The following FKTN variants were observed in gnomAD, a reference collection of about 807,000 sequenced individuals.
The protein encoded by FKTN is fukutin.
FKTN carries 47 observed loss-of-function variants against 58.6 expected under a neutral mutation model. The ratio of observed to expected loss-of-function variants is 0.80; its 90% CI spans 0.63 to 1.02. FKTN has a LOEUF of 1.02. FKTN is among the 50% of genes least tolerant of loss of function. FKTN has a pLI of 0.00. For synonymous variants in FKTN, 178 were observed against 191.9 expected (o/e 0.93, Z 0.60); for missense variants, 516 against 537.3 (o/e 0.96, Z 0.39).
chr9:105,565,362 TAA>T (rs574211667), intron 1 of FKTN, among the ~76,000 whole-genome samples: 2 of 152,078 alleles, frequency 1.3e-5, no homozygotes, highest in Non-Finnish European at 2.9e-5. Flanking sequence ...GCAAATTGGA[TAA>T]AGAGTCAAGA....
intron 1 of FKTN, among the ~76,000 whole-genome samples, chr9:105,568,937 C>T (rs1840217579): frequency 6.6e-6 from 1 of 152,192 alleles, no homozygotes; most frequent in African/African-American, 2.4e-5. Flanking sequence ...GGCACATATA[C>T]ACCATGAAAT....
At chr9:105,567,467 A>T in intron 1 of FKTN, among the ~76,000 whole-genome samples, 1 of 152,246 alleles carries the variant, frequency 6.6e-6, no homozygotes. Context: ...ATACAAAATC[A>T]ATGTGCAAAA....
Position 105,636,676 on chromosome 9 carries a change from A to G in FKTN, c.*1412A>G, listed in dbSNP as rs1409511498. 3 of 1,268,438 alleles carry G rather than the reference A, an allele frequency of 2.4e-6. No individual in the cohort carries two copies. The highest frequency in any genetic ancestry group is 1.3e-5 in the South Asian group (1 of 74,966). The allele number at this position is 1,268,438 out of a possible 1,614,324, so 78.6% of individuals were successfully genotyped here. The stretch of plus-strand genomic sequence containing the variant: ...TGCTATTTTTCTCTTTGTCTAGGAA[A>G]GGAAGCTGAATCTTATATCTTATCT... On this transcript the variant is annotated 3_prime_UTR_variant, in exon 11 of 11. Transcript: ENST00000357998.
At chr9:105,592,434 C>T (rs1423430278) in intron 3 of FKTN, among the ~76,000 whole-genome samples, 3 of 151,948 alleles carry the variant, frequency 2.0e-5, no homozygotes, top group Admixed American at 1.3e-4. Flanking sequence ...GTCAGGAGTT[C>T]GAGATCAGCC....
In FKTN at chr9:105,636,098, T is replaced by C. The variant is rs978706482; in HGVS notation, c.*834T>C. 1.5e-5 allele frequency: 15 copies of C among 980,740 alleles called. No individual in the cohort carries two copies. Among genetic ancestry groups the C allele is most frequent in the Non-Finnish European group, 1.8e-5 (15 of 825,660 alleles). 60.8% of individuals were successfully genotyped at this position (980,740 alleles called of 1,614,324 possible). On this transcript the variant is annotated 3_prime_UTR_variant, in exon 11 of 11. Transcript: ENST00000357998. ...ATGATTTCACAAAACTCATTTTTAT[T>C]TTATTCTCAGACAGTCTGTTAGGTA...
chr9:105,568,546 C>T (rs1564198481), intron 1 of FKTN, among the ~76,000 whole-genome samples: 1 of 152,218 alleles, frequency 6.6e-6, no homozygotes, highest in Admixed American at 6.5e-5. Context: ...AAATGCTCAT[C>T]ATCACTGGCC....
intron 1 of FKTN, among the ~76,000 whole-genome samples, chr9:105,566,176 A>G (rs985405362): frequency 2.4e-4 from 37 of 152,366 alleles, no homozygotes; most frequent in African/African-American, 8.7e-4. Flanking sequence ...TTATAGCACT[A>G]AATGCCCACA....
Position 105,638,392 on chromosome 9 carries a change from T to G in FKTN, c.*3128T>G. 2 of 985,352 alleles carry G rather than the reference T, an allele frequency of 2.0e-6. No individual in the cohort carries two copies. Among genetic ancestry groups the G allele is most frequent in the South Asian group, 4.7e-5 (1 of 21,270 alleles). The allele number at this position is 985,352 out of a possible 1,614,324, so 61.0% of individuals were successfully genotyped here. On this transcript the variant is annotated 3_prime_UTR_variant, in exon 11 of 11. Transcript: ENST00000357998. ...GAATTCTTAGGCAACCTTCATACCT[T>G]TATCTGGAAAATGCCTTCTCTCCAG... is the stretch of plus-strand genomic sequence containing the variant.
chr9:105,611,224 G>A (rs889954121), intron 7 of FKTN, among the ~76,000 whole-genome samples: 11 of 152,012 alleles, frequency 7.2e-5, no homozygotes, highest in African/African-American at 1.9e-4. Flanking sequence ...TTGTGTCCCC[G>A]TTCATTGGCT....
chr9:105,567,863 G>C (rs139384997), intron 1 of FKTN, among the ~76,000 whole-genome samples: 1,880 of 152,270 alleles, frequency 0.012, 55 homozygotes, highest in African/African-American at 0.043. Context: ...AACAAAGCTG[G>C]AGGCATCACG....
At chr9:105,573,331 C>T (rs1841102867) in intron 1 of FKTN, among the ~76,000 whole-genome samples, 1 of 151,648 alleles carries the variant, frequency 6.6e-6, no homozygotes, top group South Asian at 2.1e-4. Context: ...AAAGAAAAGA[C>T]ATCTTTAGGT....
chr9:105,577,111 T>G (rs1373721839), intron 3 of FKTN, among the ~76,000 whole-genome samples: 89 of 144,864 alleles, frequency 6.1e-4, no homozygotes, highest in Non-Finnish European at 1.1e-3. Flanking sequence ...TCTCCCATTT[T>G]GTAGGTTGCC....
intron 3 of FKTN, among the ~76,000 whole-genome samples, chr9:105,583,609 C>A (rs1041040594): frequency 6.6e-6 from 1 of 151,936 alleles, no homozygotes; most frequent in African/African-American, 2.4e-5. Context: ...GAATATTAAA[C>A]CTTCATCATA....
At chr9:105,584,355 T>C (rs1314418813) in intron 3 of FKTN, among the ~76,000 whole-genome samples, 2 of 152,112 alleles carry the variant, frequency 1.3e-5, no homozygotes, top group Non-Finnish European at 2.9e-5. Context: ...AAAGAAAATA[T>C]AATCTTTGAA....
intron 5 of FKTN, among the ~76,000 whole-genome samples, 164 bp downstream of exon 5, chr9:105,601,512 GC>G (rs1434155636): frequency 2.0e-5 from 3 of 152,120 alleles, no homozygotes; most frequent in Admixed American, 6.5e-5. Flanking sequence ...AATCACTAAG[GC>G]AAATAGGGGA....
intron 7 of FKTN, among the ~76,000 whole-genome samples, chr9:105,611,709 G>T (rs1206446938): frequency 1.3e-5 from 2 of 152,092 alleles, no homozygotes; most frequent in South Asian, 4.1e-4. Flanking sequence ...GTATTCCATG[G>T]TGTATATATA....
At chr9:105,578,203 T>G (rs1356094272) in intron 3 of FKTN, among the ~76,000 whole-genome samples, 3 of 149,820 alleles carry the variant, frequency 2.0e-5, no homozygotes, top group Non-Finnish European at 1.5e-5. Context: ...CTTCCAACAC[T>G]ATGTTGAATA....
At chr9:105,597,283 C>G (rs1418021322) in intron 4 of FKTN, among the ~76,000 whole-genome samples, 1 of 152,132 alleles carries the variant, frequency 6.6e-6, no homozygotes, top group African/African-American at 2.4e-5. Context: ...TCTTTGGCTT[C>G]TCTATAACTA....
intron 4 of FKTN, 115 bp from the exon 5 acceptor site, chr9:105,601,030 G>T: frequency 3.0e-6 from 2 of 669,922 alleles, no homozygotes; most frequent in Non-Finnish European, 5.3e-6. Context: ...TGATAAGCAT[G>T]GTATCTATTG....
Sources: gnomAD v4.1 joint callset for allele counts (sites outside exome capture counted in the v4.1 genomes callset) on GRCh38, gnomAD v4.1.1 for gene constraint, MANE v1.5 for transcripts, NCBI Gene and HGNC (gene_info 2026-07-23, HGNC 2026-07-21) for gene names.